The following CSF2RB variants were observed in gnomAD, a reference collection of about 807,000 sequenced individuals.
CSF2RB encodes the protein colony stimulating factor 2 receptor subunit beta, also known as cytokine receptor common subunit beta.
Under a neutral mutation model 67.2 loss-of-function variants are expected in CSF2RB, and 22 were observed. The ratio of observed to expected loss-of-function variants is 0.33; its 90% confidence interval spans 0.23 to 0.47. CSF2RB has a LOEUF of 0.47. Ranked by LOEUF, CSF2RB falls within the 20% of genes least tolerant of loss-of-function variation. The pLI, the probability that CSF2RB is intolerant of heterozygous loss-of-function variation, is 1.00. For synonymous variants in CSF2RB, 507 were observed against 482.9 expected (o/e 1.05, Z -0.65); for missense variants, 1,113 against 1,174.5 (o/e 0.95, Z 0.76).
At chr22:36,925,669 C>T (rs557383750) in intron 3 of CSF2RB, among the ~76,000 whole-genome samples, 1 of 152,208 alleles carries the variant, frequency 6.6e-6, no homozygotes, top group South Asian at 2.1e-4. Flanking sequence ...AACATTCTGC[C>T]CCCAGGTCAC....
At position 36,935,346 on chromosome 22, in the gene CSF2RB, G is replaced by T; in HGVS notation, c.1316-5G>T. 6.2e-7 allele frequency: 1 copy of T among 1,614,076 alleles called. No individual in the cohort carries two copies. The highest frequency in any genetic ancestry group is 1.1e-5 in the South Asian group (1 of 91,076). Reference sequence around the variant, plus strand: ...ACATTCCTCTTTCTCCCCGGCTGCTGGAAGTGCTGCCTATGTGGGTGCTGG... The same window carrying T: ...ACATTCCTCTTTCTCCCCGGCTGCTTGAAGTGCTGCCTATGTGGGTGCTGG... On this transcript the variant is annotated splice_polypyrimidine_tract_variant and splice_region_variant and intron_variant, in intron 10 of 13. Transcript: ENST00000403662.
Position 36,929,011 on chromosome 22 carries a change from C to G in CSF2RB, c.392-391C>G, listed in dbSNP as rs375516453. ...CACTGACAACAGGAAGGACCCTGGG[C>G]AGGAGGAAGGGAGCTTGGACAGCAG... is the stretch of plus-strand genomic sequence containing the variant. On this transcript the variant is annotated intron_variant, in intron 4 of 13. Coordinates refer to ENST00000403662, the MANE Select transcript of CSF2RB (RefSeq NM_000395.3). 6.6e-5 allele frequency among the ~76,000 whole-genome samples: 10 copies of G among 152,284 alleles called. No individual in the cohort carries two copies. The South Asian group carries it at 2.1e-3, about 32-fold the overall frequency.
chr22:36,927,703 G>A (rs1941051766), intron 4 of CSF2RB, among the ~76,000 whole-genome samples: 2 of 152,168 alleles, frequency 1.3e-5, no homozygotes, highest in South Asian at 4.1e-4. Flanking sequence ...GCACTGAGGG[G>A]AAATGACATG....
chr22:36,938,945 G>T lies in CSF2RB; in HGVS notation c.*443G>T, dbSNP rs1941333091. On this transcript the variant is annotated 3_prime_UTR_variant, in exon 14 of 14. Transcript: ENST00000403662. The stretch of plus-strand genomic sequence containing the variant: ...TGTTGAGGACTTGTGTGGGCTGCCT[G>T]TCCCCGGCAGTCGCTGATGCACATG... The T allele has an allele frequency of 1.7e-6, 1 of 600,060 alleles. No individual in the cohort carries two copies. The allele number at this position is 600,060 out of a possible 1,614,324, so 37.2% of individuals were successfully genotyped here. A position where few individuals can be genotyped will look rare whatever the true frequency, so the allele number is the denominator to read the frequency against.
At chr22:36,929,256 A>C (rs893664049) in intron 4 of CSF2RB, 146 bp from the exon 5 acceptor site, 56 of 1,014,362 alleles carry the variant, frequency 5.5e-5, no homozygotes, top group Non-Finnish European at 6.8e-5. Flanking sequence ...TGAGGCTCAC[A>C]GAGGAGACGG....
chr22:36,929,673 C>T lies in CSF2RB; in HGVS notation c.584C>T (p.Ala195Val), dbSNP rs370120556. The T allele has an allele frequency of 3.4e-4, 544 of 1,614,220 alleles. 8 individuals carry two copies. The South Asian group carries it at 5.4e-3, about 16-fold the overall frequency. ...ATCCTCCTCTCCAACACCTCCCAGGCCACCCTGGGGCCAGAGCACCTCATG... is the reference window on the plus strand; with the variant it reads ...ATCCTCCTCTCCAACACCTCCCAGGTCACCCTGGGGCCAGAGCACCTCATG... ...AAILLSNTSQ[A>V]TLGPEHLMPS... Residue 195 changes from alanine to valine, a missense_variant, in exon 6 of 14, where the codon GCC becomes GTC. By Grantham distance (64) the Ala-to-Val change is moderately conservative. Around this residue, in one of 2 missense-constraint regions of CSF2RB, gnomAD observed 559 missense variants for 656.5 expected, o/e 0.85. Coordinates refer to ENST00000403662, the MANE Select transcript of CSF2RB (RefSeq NM_000395.3).
At position 36,937,729 on chromosome 22, in the gene CSF2RB, C is replaced by A. The variant is rs765455845; in HGVS notation, c.1921C>A (p.Pro641Thr). The stretch of plus-strand genomic sequence containing the variant: ...TGCTGGGGGGCAGGTGCAACTGGTC[C>A]CTCTGGCCCAGGCGATGGGACCAGG... ...LPAGGQVQLV[P>T]LAQAMGPGQA... Residue 641 changes from proline (P) to threonine (T), a missense_variant, in exon 14 of 14, where the codon CCT becomes ACT. Around this residue, in one of 2 missense-constraint regions of CSF2RB, gnomAD observed 554 missense variants for 517.9 expected, o/e 1.07. Transcript: ENST00000403662. This position sits in a 1 kb window ranked among gnomAD's most constrained non-coding sequence, Gnocchi z 4.6. 1 of 1,559,632 alleles carries A rather than the reference C, an allele frequency of 6.4e-7. No homozygotes were observed. Among genetic ancestry groups the A allele is most frequent in the South Asian group, 1.2e-5 (1 of 85,356 alleles).
intron 12 of CSF2RB, 38 bp from the exon 13 acceptor site, chr22:36,936,510 TC>T: frequency 6.2e-7 from 1 of 1,601,258 alleles, no homozygotes; most frequent in Non-Finnish European, 8.5e-7. Flanking sequence ...ACCTCGGACC[TC>T]CTGATGCTCA....
chr22:36,926,185 G>C lies in CSF2RB; in HGVS notation c.391+8G>C, dbSNP rs1941012919. On this transcript the variant is annotated splice_region_variant and intron_variant, in intron 4 of 13. Transcript: ENST00000403662. ...TCACTCTGACCCAGCATGGTGAGGGGCTGGGGGCCCTGCCCGGGGCTTGGT... is the reference window on the plus strand; with the variant it reads ...TCACTCTGACCCAGCATGGTGAGGGCCTGGGGGCCCTGCCCGGGGCTTGGT... 6.2e-7 allele frequency: 1 copy of C among 1,613,582 alleles called. No individual in the cohort carries two copies. Among genetic ancestry groups the C allele is most frequent in the Admixed American group, 1.7e-5 (1 of 60,026 alleles).
chr22:36,930,150 G>C (rs1320215727), intron 6 of CSF2RB, among the ~76,000 whole-genome samples: 4 of 152,200 alleles, frequency 2.6e-5, no homozygotes, highest in Non-Finnish European at 5.9e-5. Flanking sequence ...CTGAAACTTA[G>C]ATACTATTTC....
In CSF2RB at chr22:36,935,816, A is replaced by G. The variant is rs1029388407; in HGVS notation, c.1464+129A>G. ...GGATGTAGGTGGACTGGGCTTTGGGAGCTTTGGGAGTGGGGCCAGCACTTG... is the reference window on the plus strand; with the variant it reads ...GGATGTAGGTGGACTGGGCTTTGGGGGCTTTGGGAGTGGGGCCAGCACTTG... On this transcript the variant is annotated intron_variant, in intron 12 of 13. Transcript: ENST00000403662. 9 of 1,037,796 alleles carry G rather than the reference A, an allele frequency of 8.7e-6. No homozygotes were observed. In the South Asian group the frequency reaches 1.3e-4, roughly 15 times the overall value. 64.3% of individuals were successfully genotyped at this position (1,037,796 alleles called of 1,614,324 possible).
At chr22:36,931,207 T>A (rs1941141962) in intron 8 of CSF2RB, among the ~76,000 whole-genome samples, 1 of 152,226 alleles carries the variant, frequency 6.6e-6, no homozygotes, top group South Asian at 2.1e-4. Flanking sequence ...CTATCTTTAA[T>A]GTAATTGATC....
At chr22:36,921,232 CTG>C (rs1940859615) in intron 1 of CSF2RB, among the ~76,000 whole-genome samples, 1 of 148,532 alleles carries the variant, frequency 6.7e-6, no homozygotes, top group African/African-American at 2.5e-5. Flanking sequence ...GTATGTGTGT[CTG>C]TGTCTCTGTG....
chr22:36,922,417 GC>G, intron 2 of CSF2RB, 134 bp downstream of exon 2: 1 of 812,118 alleles, frequency 1.2e-6, no homozygotes. Flanking sequence ...TCTCCCCCTG[GC>G]CTTCCCTGGG....
intron 10 of CSF2RB, among the ~76,000 whole-genome samples, chr22:36,934,860 G>A (rs1941234406): frequency 6.6e-6 from 1 of 152,208 alleles, no homozygotes; most frequent in Admixed American, 6.5e-5. Context: ...CCCAAGAGAG[G>A]AGGAAGAGGG....
intron 4 of CSF2RB, among the ~76,000 whole-genome samples, chr22:36,928,074 C>G (rs891220171): frequency 6.6e-6 from 1 of 152,074 alleles, no homozygotes; most frequent in Admixed American, 6.5e-5. Context: ...CCTCCTGGAG[C>G]CTGTGTTGAG....
In CSF2RB at chr22:36,926,092, T is replaced by A; in HGVS notation, c.306T>A (p.Ser102Arg). The A allele has an allele frequency of 1.9e-6, 3 of 1,614,060 alleles. No homozygotes were observed. The highest frequency in any genetic ancestry group is 2.5e-6 in the Non-Finnish European group (3 of 1,179,986). The change falls in exon 4 of 14, where the codon AGT becomes AGA. Residue 102 changes from serine to arginine, a missense_variant. Ser to Arg is a moderately radical substitution (Grantham distance 110, BLOSUM62 -1). Transcript: ENST00000403662. The part of the protein sequence containing the change: ...VPRRCVIPCQ[S>R]FVVTDVDYFS... ...GGAGATGTGTCATTCCCTGCCAGAG[T>A]TTTGTCGTCACTGACGTTGACTACT...
intron 9 of CSF2RB, 72 bp downstream of exon 9, chr22:36,932,976 C>A: frequency 6.3e-7 from 1 of 1,592,404 alleles, no homozygotes; most frequent in Non-Finnish European, 8.6e-7. Context: ...CAGAGGCATT[C>A]CACCTGCAAG....
intron 10 of CSF2RB, 67 bp downstream of exon 10, chr22:36,934,061 T>C: frequency 1.9e-6 from 3 of 1,589,008 alleles, no homozygotes; most frequent in East Asian, 2.3e-5. Context: ...TGCCAGAAAA[T>C]CCCCAATGCA....
Sources: gnomAD v4.1 joint callset for allele counts (sites outside exome capture counted in the v4.1 genomes callset) on GRCh38, gnomAD v4.1.1 for gene constraint, gnomAD v4.1.1 regional missense constraint, Gnocchi (gnomAD v3.1) non-coding constraint, MANE v1.5 for transcripts, NCBI Gene and HGNC (gene_info 2026-07-23, HGNC 2026-07-21) for gene names.